The following SPHKAP variants were observed in gnomAD, a reference collection of about 807,000 sequenced individuals.
The protein encoded by SPHKAP is SPHK1 interactor, AKAP domain containing, also known as A-kinase anchor protein SPHKAP.
SPHKAP carries 67 observed loss-of-function variants against 137.5 expected under a neutral mutation model. The observed-to-expected ratio is 0.49, with a 90% confidence interval of 0.40 to 0.60. The LOEUF (loss-of-function observed/expected upper bound fraction) is 0.60. SPHKAP is among the 20% of genes least tolerant of loss of function. The pLI, the probability that SPHKAP is intolerant of heterozygous loss-of-function variation, is 0.00. For missense variants in SPHKAP, 2,097 were observed against 2,069.3 expected, an observed-to-expected ratio of 1.01 and a Z score of -0.26; for synonymous variants, 813 against 785.3, an observed-to-expected ratio of 1.04 and a Z score of -0.59.
intron 1 of SPHKAP, among the ~76,000 whole-genome samples, chr2:228,173,180 T>TAAAG (rs1334689216): frequency 4.6e-5 from 7 of 152,018 alleles, no homozygotes; most frequent in Non-Finnish European, 8.8e-5. Context: ...TTTTATTTAA[T>TAAAG]AAAGAAAGAA....
intron 2 of SPHKAP, among the ~76,000 whole-genome samples, chr2:228,131,041 A>T (rs1699233953): frequency 6.6e-6 from 1 of 152,020 alleles, no homozygotes. Context: ...AAAACTAGAA[A>T]CTTATACAAA....
intron 3 of SPHKAP, among the ~76,000 whole-genome samples, chr2:228,078,999 G>A (rs544642150): frequency 2.6e-5 from 4 of 152,222 alleles, no homozygotes; most frequent in African/African-American, 4.8e-5. Context: ...TTGGGCCTCT[G>A]CATTACCAGG....
At chr2:227,982,509 A>AT (rs1693038584) in intron 11 of SPHKAP, among the ~76,000 whole-genome samples, 1 of 152,198 alleles carries the variant, frequency 6.6e-6, no homozygotes, top group Non-Finnish European at 1.5e-5. Flanking sequence ...TGCAAGTGAA[A>AT]TTGAGGGCTT....
chr2:228,122,601 A>G (rs990673527), intron 2 of SPHKAP, among the ~76,000 whole-genome samples: 1 of 152,174 alleles, frequency 6.6e-6, no homozygotes, highest in Non-Finnish European at 1.5e-5. Context: ...CTTCTAGAGG[A>G]TGAGCTGTCC....
At chr2:228,007,586 G>A (rs557803646) in intron 7 of SPHKAP, among the ~76,000 whole-genome samples, 26 of 151,968 alleles carry the variant, frequency 1.7e-4, no homozygotes, top group African/African-American at 2.7e-4. Flanking sequence ...AGTGCTTGGC[G>A]TATCTCATTT....
intron 3 of SPHKAP, among the ~76,000 whole-genome samples, chr2:228,104,468 A>T (rs1006432061): frequency 6.6e-6 from 1 of 150,670 alleles, no homozygotes; most frequent in African/African-American, 2.4e-5. Flanking sequence ...CTTCCATAGA[A>T]CAACTTATCA....
At chr2:228,138,070 C>T (rs947691956) in intron 1 of SPHKAP, among the ~76,000 whole-genome samples, 6 of 152,128 alleles carry the variant, frequency 3.9e-5, no homozygotes, top group African/African-American at 1.4e-4. Context: ...CCTGCTGAGC[C>T]CAGCTGTAGA....
intron 3 of SPHKAP, among the ~76,000 whole-genome samples, chr2:228,066,849 A>T (rs1417624324): frequency 6.6e-6 from 1 of 152,228 alleles, no homozygotes; most frequent in African/African-American, 2.4e-5. Context: ...GGTTTTTAGC[A>T]TTCATTTAAA....
intron 3 of SPHKAP, among the ~76,000 whole-genome samples, chr2:228,070,128 C>G (rs1696959548): frequency 6.6e-6 from 1 of 152,230 alleles, no homozygotes; most frequent in Non-Finnish European, 1.5e-5. Context: ...TAACTTTTGA[C>G]TCTCCTGAAA....
rs1283904137 is a variant in SPHKAP, at chr2:228,017,576, G to A, written c.3278C>T (p.Ala1093Val). The A allele has an allele frequency of 2.5e-6, 4 of 1,613,714 alleles. No individual in the cohort carries two copies. Among genetic ancestry groups the A allele is most frequent in the African/African-American group, 1.3e-5 (1 of 74,936 alleles). The stretch of plus-strand genomic sequence containing the variant: ...GCCCAGGCTGTTGACATAGGCCCTG[G>A]CCTCGGAGTCTTCCTCAGGAATGCT... ...CESIPEEDSE[A>V]RAYVNSLGLM... is the part of the protein sequence containing the mutation. The change falls in exon 7 of 12, where the codon GCC becomes GTC. Residue 1093 changes from alanine to valine, a missense_variant. Ala to Val is a moderately conservative substitution (Grantham distance 64, BLOSUM62 0). Transcript: ENST00000392056.
At chr2:228,064,291 G>A (rs368008571) in intron 3 of SPHKAP, among the ~76,000 whole-genome samples, 61 of 152,218 alleles carry the variant, frequency 4.0e-4, no homozygotes, top group Admixed American at 2.9e-3. Flanking sequence ...GAAGAATCAC[G>A]ACTCAACTTA....
chr2:228,161,140 T>C (rs534164174), intron 1 of SPHKAP, among the ~76,000 whole-genome samples: 3 of 152,260 alleles, frequency 2.0e-5, no homozygotes, highest in African/African-American at 7.2e-5. Flanking sequence ...GTAAAGGAAG[T>C]CCAGGGAAAG....
At chr2:228,178,986 G>A (rs924546721) in intron 1 of SPHKAP, among the ~76,000 whole-genome samples, 1 of 151,172 alleles carries the variant, frequency 6.6e-6, no homozygotes, top group African/African-American at 2.4e-5. Flanking sequence ...GTCAAATTTA[G>A]TTTTAATATC....
At chr2:228,028,091 C>T in intron 3 of SPHKAP, 2 of 984,356 alleles carry the variant, frequency 2.0e-6, no homozygotes. Context: ...CATGGCCCAA[C>T]ATACTAAAAA....
intron 3 of SPHKAP, among the ~76,000 whole-genome samples, chr2:228,066,028 T>A (rs1198545947): frequency 6.6e-6 from 1 of 152,148 alleles, no homozygotes; most frequent in Non-Finnish European, 1.5e-5. Context: ...TCAAATGGCA[T>A]CCTTTATTCT....
chr2:228,048,333 G>C (rs1696136878), intron 3 of SPHKAP, among the ~76,000 whole-genome samples: 2 of 142,564 alleles, frequency 1.4e-5, no homozygotes, highest in South Asian at 2.5e-4. Flanking sequence ...AATACCTTTT[G>C]GTGAAACGGG....
At chr2:228,099,953 C>T (rs1365854360) in intron 3 of SPHKAP, among the ~76,000 whole-genome samples, 2 of 151,944 alleles carry the variant, frequency 1.3e-5, no homozygotes, top group African/African-American at 4.8e-5. Flanking sequence ...GGGTTCACGC[C>T]ATTCTCCTGC....
At position 228,086,145 on chromosome 2, in the gene SPHKAP, C is replaced by T. The variant is rs186796938; in HGVS notation, c.246+22687G>A. On this transcript the variant is annotated intron_variant, in intron 3 of 11. Transcript: ENST00000392056. ...TATGAAGAGCTCTTAGGACAAGCTT[C>T]CCAGTGAAACAACAAAAAAAAATTG... is the stretch of plus-strand genomic sequence containing the variant. 3.9e-3 allele frequency among the ~76,000 whole-genome samples: 587 copies of T among 151,912 alleles called. 2 individuals are homozygous for T. Among genetic ancestry groups the T allele is most frequent in the Middle Eastern group, 0.014 (4 of 292 alleles).
intron 2 of SPHKAP, among the ~76,000 whole-genome samples, chr2:228,122,153 ATATAT>A (rs1251884610): frequency 6.6e-6 from 1 of 152,124 alleles, no homozygotes; most frequent in African/African-American, 2.4e-5. Context: ...TTAATACACA[ATATAT>A]AAAAGGCCTG....
Sources: gnomAD v4.1 joint callset for allele counts (sites outside exome capture counted in the v4.1 genomes callset) on GRCh38, gnomAD v4.1.1 for gene constraint, MANE v1.5 for transcripts, NCBI Gene and HGNC (gene_info 2026-07-23, HGNC 2026-07-21) for gene names.